Variants in AGBL4 observed in about 807,000 individuals in gnomAD.
AGBL4 encodes cytosolic carboxypeptidase 6.
A neutral mutation model predicts 66.4 loss-of-function variants in AGBL4; 58 were observed. The ratio of observed to expected loss-of-function variants is 0.87; its 90% CI spans 0.71 to 1.09. AGBL4 has a LOEUF of 1.09. Ranked by LOEUF, AGBL4 falls within the 50% of genes least tolerant of loss-of-function variation. The pLI, the probability that AGBL4 is intolerant of heterozygous loss-of-function variation, is 0.00. For missense variants in AGBL4, 579 were observed against 631.0 expected (o/e 0.92, Z 0.88); for synonymous variants, 234 against 222.9 (o/e 1.05, Z -0.44).
At chr1:48,941,889 CAA>C (rs1656005106) in intron 5 of AGBL4, among the ~76,000 whole-genome samples, 1 of 152,142 alleles carries the variant, frequency 6.6e-6, no homozygotes, top group Non-Finnish European at 1.5e-5. Flanking sequence ...TTGTATCATA[CAA>C]AGTCAGGACC....
Position 48,639,947 on chromosome 1 carries a change from C to T in AGBL4, c.840-5343G>A, listed in dbSNP as rs144992253. The stretch of plus-strand genomic sequence containing the variant: ...AAGCAGCTGCCTAAAGACAGAGGAA[C>T]GCATAAGATGGCCTCCAGATGCCAG... On this transcript the variant is annotated intron_variant, in intron 8 of 13. Transcript: ENST00000371839. Among the ~76,000 whole-genome samples, 69 of 152,264 alleles carry T rather than the reference C, an allele frequency of 4.5e-4. 2 individuals carry two copies. The highest frequency in any genetic ancestry group is 2.1e-3 in the East Asian group (11 of 5,168).
intron 3 of AGBL4, among the ~76,000 whole-genome samples, chr1:49,512,054 G>C (rs1056545846): frequency 9.9e-5 from 15 of 151,926 alleles, no homozygotes; most frequent in African/African-American, 3.4e-4. Flanking sequence ...GTACATAGTA[G>C]GTATTCAAAA....
intron 3 of AGBL4, among the ~76,000 whole-genome samples, chr1:49,303,859 C>G (rs747196503): frequency 6.6e-6 from 1 of 152,132 alleles, no homozygotes; most frequent in East Asian, 1.9e-4. Flanking sequence ...AATTTAAGTT[C>G]CTTCTAGATT....
chr1:49,818,719 A>G (rs1422044500), intron 2 of AGBL4, among the ~76,000 whole-genome samples: 8 of 152,204 alleles, frequency 5.3e-5, no homozygotes, highest in African/African-American at 9.6e-5. Context: ...TGTGATATAC[A>G]TATAAATCAT....
intron 1 of AGBL4, among the ~76,000 whole-genome samples, chr1:49,903,043 T>C (rs898711126): frequency 6.6e-6 from 1 of 152,110 alleles, no homozygotes; most frequent in African/African-American, 2.4e-5. Flanking sequence ...TAAAGACACA[T>C]GTATGTTCAT....
intron 1 of AGBL4, among the ~76,000 whole-genome samples, chr1:49,876,952 C>G (rs1375286402): frequency 2.7e-5 from 4 of 150,708 alleles, no homozygotes; most frequent in Admixed American, 1.3e-4. Flanking sequence ...TTATTTGGCT[C>G]TCTGTTTGTC....
intron 4 of AGBL4, chr1:49,048,257 A>G (rs1644128357): frequency 6.6e-6 from 1 of 152,014 alleles, no homozygotes; most frequent in South Asian, 2.1e-4. Context: ...AGTATATCCA[A>G]CCAGGGTATA....
At chr1:49,875,815 C>T (rs1646986026) in intron 1 of AGBL4, among the ~76,000 whole-genome samples, 1 of 136,942 alleles carries the variant, frequency 7.3e-6, no homozygotes, top group Non-Finnish European at 1.6e-5. Flanking sequence ...CTCTCCAGCA[C>T]CTGTTGTTTC....
chr1:49,049,677 C>T (rs1644166328), intron 4 of AGBL4, among the ~76,000 whole-genome samples: 1 of 151,962 alleles, frequency 6.6e-6, no homozygotes, highest in Non-Finnish European at 1.5e-5. Context: ...GACTCTTTAA[C>T]ATTCAGCTGA....
chr1:48,927,286 G>A (rs1001558302), intron 5 of AGBL4, among the ~76,000 whole-genome samples: 2 of 152,162 alleles, frequency 1.3e-5, no homozygotes, highest in African/African-American at 4.8e-5. Context: ...GGCAAAGGAG[G>A]AGCAAAGTCA....
At chr1:49,265,539 A>T (rs573185163) in intron 3 of AGBL4, among the ~76,000 whole-genome samples, 1 of 152,298 alleles carries the variant, frequency 6.6e-6, no homozygotes, top group African/African-American at 2.4e-5. Context: ...CCTGATTCCC[A>T]GCATTGTGGA....
intron 1 of AGBL4, among the ~76,000 whole-genome samples, chr1:50,023,344 C>G (rs1266356211): frequency 6.6e-6 from 1 of 152,146 alleles, no homozygotes; most frequent in East Asian, 1.9e-4. Flanking sequence ...GAGTCAGAGC[C>G]TCCTACTCCC....
Position 50,023,928 on chromosome 1 carries a change from A to C in AGBL4, c.-132T>G. On this transcript the variant is annotated 5_prime_UTR_variant, in exon 1 of 14. Coordinates refer to ENST00000371839, the MANE Select transcript of AGBL4 (RefSeq NM_032785.4). ...GACGGTTGCCTGGGCAACGGGCGGC[A>C]GGCGCGCGGGTGGCCGGCGCGCGGC... 3 of 1,079,360 alleles carry C rather than the reference A, an allele frequency of 2.8e-6. No individual in the cohort carries two copies. Among genetic ancestry groups the C allele is most frequent in the Non-Finnish European group, 3.8e-6 (3 of 790,866 alleles). 66.9% of individuals were successfully genotyped at this position (1,079,360 alleles called of 1,614,324 possible). A position where few individuals can be genotyped will look rare whatever the true frequency, so the allele number is the denominator to read the frequency against.
chr1:49,549,165 TA>T (rs1322992441), intron 3 of AGBL4, among the ~76,000 whole-genome samples: 1 of 152,104 alleles, frequency 6.6e-6, no homozygotes, highest in Non-Finnish European at 1.5e-5. Context: ...TTAATGAGGT[TA>T]TTTGGATTTT....
intron 1 of AGBL4, among the ~76,000 whole-genome samples, chr1:49,914,656 A>G (rs1322591231): frequency 6.6e-6 from 1 of 152,180 alleles, no homozygotes; most frequent in Non-Finnish European, 1.5e-5. Context: ...AGCCACTCCC[A>G]CATATTCATA....
At chr1:48,665,651 A>G (rs1368017408) in intron 6 of AGBL4, among the ~76,000 whole-genome samples, 2 of 152,198 alleles carry the variant, frequency 1.3e-5, no homozygotes, top group East Asian at 3.9e-4. Context: ...GGATCCAGTA[A>G]AAACAATATA....
chr1:48,875,482 G>A (rs1323363851), intron 5 of AGBL4, among the ~76,000 whole-genome samples: 1 of 152,192 alleles, frequency 6.6e-6, no homozygotes, highest in Admixed American at 6.5e-5. Context: ...AATCCAGTGG[G>A]AAGCAGAGTG....
chr1:48,795,060 G>T (rs576795657), intron 6 of AGBL4, among the ~76,000 whole-genome samples: 4 of 152,162 alleles, frequency 2.6e-5, no homozygotes, highest in Admixed American at 2.0e-4. Flanking sequence ...AACTCCCATG[G>T]ATTCTGCACC....
At chr1:49,019,055 T>A (rs1663040886) in intron 5 of AGBL4, among the ~76,000 whole-genome samples, 1 of 152,180 alleles carries the variant, frequency 6.6e-6, no homozygotes, top group Non-Finnish European at 1.5e-5. Flanking sequence ...CAGTGACTCC[T>A]TCTCTGGCTT....
Sources: gnomAD v4.1 joint callset for allele counts (sites outside exome capture counted in the v4.1 genomes callset) on GRCh38, gnomAD v4.1.1 for gene constraint, MANE v1.5 for transcripts, NCBI Gene and HGNC (gene_info 2026-07-23, HGNC 2026-07-21) for gene names.